SPART: variants seen among roughly 807,000 people sequenced by gnomAD.
SPART encodes the protein spastic paraplegia 20 (Troyer syndrome).
Under a neutral mutation model 58.7 loss-of-function variants are expected in SPART, and 35 were observed. The ratio of observed to expected loss-of-function variants is 0.60; its 90% CI spans 0.46 to 0.79. SPART has a LOEUF of 0.79. Among genes scored for constraint, SPART ranks in the 30% least tolerant of loss-of-function variants. The pLI is 0.00. For synonymous variants in SPART, 284 were observed against 280.7 expected (o/e 1.01, Z -0.12); for missense variants, 730 against 786.1 (o/e 0.93, Z 0.85).
intron 1 of SPART, among the ~76,000 whole-genome samples, chr13:36,352,067 C>T (rs1885433934): frequency 6.6e-6 from 1 of 152,140 alleles, no homozygotes; most frequent in Admixed American, 6.5e-5. Flanking sequence ...ACTAAAACTC[C>T]TTGTGAGTAC....
At chr13:36,349,569 A>G (rs1448074838), upstream of SPART, among the ~76,000 whole-genome samples, 1 of 152,204 alleles carries the variant, frequency 6.6e-6, no homozygotes, top group Admixed American at 6.5e-5. Context: ...GTGTAAGCAA[A>G]GGATTTGGTT....
At chr13:36,345,292 G>C (rs1006417077) in intron 1 of SPART, among the ~76,000 whole-genome samples, 1 of 152,178 alleles carries the variant, frequency 6.6e-6, no homozygotes, top group Non-Finnish European at 1.5e-5. Context: ...CCACATTACA[G>C]AAAGGCTTCC....
upstream of SPART, among the ~76,000 whole-genome samples, chr13:36,347,707 T>A (rs1456608899): frequency 6.6e-6 from 1 of 152,212 alleles, no homozygotes; most frequent in Non-Finnish European, 1.5e-5. Flanking sequence ...GACTGTATTC[T>A]CACTTCCACG....
chr13:36,304,784 A>G, intron 8 of SPART, 152 bp from the exon 9 acceptor site: 1 of 784,866 alleles, frequency 1.3e-6, no homozygotes, highest in East Asian at 2.7e-5. Flanking sequence ...CTTAAAACAC[A>G]GTAGAGAATG....
At position 36,326,637 on chromosome 13, in the gene SPART, G is replaced by A. The variant is rs990984938; in HGVS notation, c.1226C>T (p.Pro409Leu). ...AGGTAATTCTTTTGGCTTTTCTTCT[G>A]GAACTGGCTCACATGGTACAATGTG... is the stretch of plus-strand genomic sequence containing the variant. ...LSHIVPCEPV[P>L]EEKPKELPEW... The change falls in exon 5 of 9, where the codon CCA (proline) becomes CTA (leucine). Residue 409 changes from proline to leucine, a missense_variant. By Grantham distance (98) the Pro-to-Leu change is moderately conservative. Coordinates refer to ENST00000438666, the MANE Select transcript of SPART (RefSeq NM_015087.5). 56 of 1,613,220 alleles carry A rather than the reference G, an allele frequency of 3.5e-5. No individual in the cohort carries two copies. Among genetic ancestry groups the A allele is most frequent in the Non-Finnish European group, 4.2e-5 (50 of 1,179,828 alleles).
chr13:36,338,971 A>G (rs1278466744), intron 1 of SPART, among the ~76,000 whole-genome samples: 1 of 152,154 alleles, frequency 6.6e-6, no homozygotes, highest in East Asian at 1.9e-4. Flanking sequence ...TCACACGCAC[A>G]CACTCACACA....
chr13:36,355,928 G>A (rs1391755434), intron 1 of SPART, among the ~76,000 whole-genome samples: 2 of 152,190 alleles, frequency 1.3e-5, no homozygotes, highest in Non-Finnish European at 2.9e-5. Context: ...TAATATGGGG[G>A]TTCAGTCAGG....
chr13:36,329,625 T>C (rs1883276925), intron 3 of SPART, 108 bp from the exon 4 acceptor site: 2 of 1,204,552 alleles, frequency 1.7e-6, no homozygotes, highest in Admixed American at 3.6e-5. Context: ...GAATGTCAGT[T>C]TGGCAGTCTA....
intron 1 of SPART, among the ~76,000 whole-genome samples, chr13:36,357,322 G>C (rs894759055): frequency 6.6e-6 from 1 of 152,170 alleles, no homozygotes; most frequent in Non-Finnish European, 1.5e-5. Flanking sequence ...TAGTTTTCTG[G>C]GAGTGCAGAT....
chr13:36,328,560 T>C (rs1209261407), intron 4 of SPART, among the ~76,000 whole-genome samples: 1 of 152,236 alleles, frequency 6.6e-6, no homozygotes, highest in Non-Finnish European at 1.5e-5. Flanking sequence ...CCACATTGGA[T>C]AGAAATGATC....
At chr13:36,357,417 A>G (rs1885664686) in intron 1 of SPART, among the ~76,000 whole-genome samples, 1 of 152,220 alleles carries the variant, frequency 6.6e-6, no homozygotes, top group African/African-American at 2.4e-5. Flanking sequence ...ATGTGAAGGT[A>G]TGGCCTCCTC....
intron 1 of SPART, among the ~76,000 whole-genome samples, chr13:36,354,731 C>G (rs996492225): frequency 6.6e-6 from 1 of 152,146 alleles, no homozygotes; most frequent in Non-Finnish European, 1.5e-5. Flanking sequence ...AATTGCTTTC[C>G]TAAGTCCTGT....
At chr13:36,362,352 C>CAAAAAAAAAA (rs10627452) in intron 1 of SPART, among the ~76,000 whole-genome samples, 1 of 117,962 alleles carries the variant, frequency 8.5e-6, no homozygotes. Flanking sequence ...ACTTCCATCT[C>CAAAAAAAAAA]AAAAAAAAAA....
At chr13:36,306,128 A>T (rs1880485106) in intron 8 of SPART, among the ~76,000 whole-genome samples, 1 of 152,260 alleles carries the variant, frequency 6.6e-6, no homozygotes, top group Admixed American at 6.5e-5. Context: ...AGTCTGTCAA[A>T]CCTTCCAAGT....
At chr13:36,367,052 G>A (rs1236642559) in intron 1 of SPART, among the ~76,000 whole-genome samples, 1 of 152,248 alleles carries the variant, frequency 6.6e-6, no homozygotes, top group Non-Finnish European at 1.5e-5. Context: ...AAGATTCGCC[G>A]CCCAAAATCC....
intron 1 of SPART, among the ~76,000 whole-genome samples, chr13:36,362,160 G>T (rs1380941202): frequency 6.6e-6 from 1 of 152,006 alleles, no homozygotes; most frequent in Non-Finnish European, 1.5e-5. Context: ...AGACCAGCCT[G>T]GGCAACATGG....
intron 1 of SPART, chr13:36,368,324 A>C (rs151251154): frequency 3.3e-6 from 1 of 300,894 alleles, no homozygotes; most frequent in Non-Finnish European, 7.2e-6. Context: ...GCTTTTGAGG[A>C]AGAAGGACCA....
intron 8 of SPART, among the ~76,000 whole-genome samples, chr13:36,305,410 C>A (rs1880422623): frequency 6.6e-6 from 1 of 151,632 alleles, no homozygotes. Context: ...TATCACTGTT[C>A]ATGTCTTGCT....
intron 1 of SPART, among the ~76,000 whole-genome samples, chr13:36,352,028 G>T (rs1023577001): frequency 6.6e-6 from 1 of 152,172 alleles, no homozygotes; most frequent in Non-Finnish European, 1.5e-5. Flanking sequence ...CCAAGCTCAT[G>T]TTGAAATCAG....
Sources: gnomAD v4.1 joint callset for allele counts (sites outside exome capture counted in the v4.1 genomes callset) on GRCh38, gnomAD v4.1.1 for gene constraint, MANE v1.5 for transcripts, NCBI Gene and HGNC (gene_info 2026-07-23, HGNC 2026-07-21) for gene names.